ZFPM2: variants seen among roughly 807,000 people sequenced by gnomAD.
ZFPM2 encodes the protein zinc finger protein ZFPM2.
ZFPM2 carries 20 observed loss-of-function variants against 98.6 expected under a neutral mutation model. The observed-to-expected ratio is 0.20, with a 90% confidence interval of 0.14 to 0.29. The LOEUF is 0.29. ZFPM2 is among the 10% of genes least tolerant of loss of function. ZFPM2 has a pLI of 1.00. For missense variants in ZFPM2, 1,310 were observed against 1,388.6 expected (o/e 0.94, Z 0.90); for synonymous variants, 518 against 502.7 (o/e 1.03, Z -0.41).
chr8:105,758,871 A>G (rs1044743016), intron 5 of ZFPM2, among the ~76,000 whole-genome samples: 17 of 152,214 alleles, frequency 1.1e-4, no homozygotes, highest in African/African-American at 3.9e-4. Context: ...AGCAGGACCC[A>G]GAGTCATTAT....
chr8:105,793,132 T>A (rs913431564), intron 6 of ZFPM2, among the ~76,000 whole-genome samples: 1 of 152,170 alleles, frequency 6.6e-6, no homozygotes, highest in Non-Finnish European at 1.5e-5. Context: ...GTCATTATGA[T>A]GTTAGCTGGT....
Position 105,479,834 on chromosome 8 carries a change from A to AT in ZFPM2, c.301+35463dup, listed in dbSNP as rs879462134. ...AATTGTGACTTCAGGCTTGGTGAGC[A>AT]TTTTTTTTTTATAATAGCTAGTCCT... is the stretch of plus-strand genomic sequence containing the variant. On this transcript the variant is annotated intron_variant, in intron 3 of 7. Transcript: ENST00000407775. Among the ~76,000 whole-genome samples the AT allele has an allele frequency of 2.9e-3, 439 of 149,350 alleles. 1 individual carries two copies. The highest frequency in any genetic ancestry group is 8.1e-3 in the African/African-American group (332 of 40,924).
chr8:105,520,456 A>G (rs1277626983), intron 3 of ZFPM2, among the ~76,000 whole-genome samples: 1 of 152,198 alleles, frequency 6.6e-6, no homozygotes, highest in Non-Finnish European at 1.5e-5. Flanking sequence ...TTATTGCAGA[A>G]TCCAGTGATA....
At chr8:105,648,840 A>C (rs1410621689) in intron 5 of ZFPM2, among the ~76,000 whole-genome samples, 1 of 152,212 alleles carries the variant, frequency 6.6e-6, no homozygotes, top group Non-Finnish European at 1.5e-5. Context: ...CTTTTGGCTT[A>C]GGATTGACTT....
At chr8:105,407,357 T>G (rs1167564121) in intron 1 of ZFPM2, among the ~76,000 whole-genome samples, 1 of 151,910 alleles carries the variant, frequency 6.6e-6, no homozygotes, top group Non-Finnish European at 1.5e-5. Context: ...AAATCAGAAT[T>G]ACAACAAAGA....
chr8:105,711,055 G>T (rs1266733274), intron 5 of ZFPM2, among the ~76,000 whole-genome samples: 4 of 151,738 alleles, frequency 2.6e-5, no homozygotes, highest in East Asian at 1.9e-4. Flanking sequence ...GGTCATTAAG[G>T]TTTTTTAAAA....
At chr8:105,487,959 A>G (rs558737603) in intron 3 of ZFPM2, among the ~76,000 whole-genome samples, 13 of 147,778 alleles carry the variant, frequency 8.8e-5, no homozygotes, top group African/African-American at 2.5e-4. Flanking sequence ...GCTATCTGTC[A>G]TGTCTTTTTT....
chr8:105,706,286 G>A (rs975275051), intron 5 of ZFPM2, among the ~76,000 whole-genome samples: 5 of 152,116 alleles, frequency 3.3e-5, no homozygotes, highest in East Asian at 3.9e-4. Context: ...CTTTGGCAAC[G>A]TCAAGATTAT....
At chr8:105,702,627 A>G (rs527554254) in intron 5 of ZFPM2, among the ~76,000 whole-genome samples, 33 of 152,350 alleles carry the variant, frequency 2.2e-4, no homozygotes, top group African/African-American at 7.5e-4. Context: ...CAAGTGTTTC[A>G]GTGTGGTAAA....
At position 105,801,192 on chromosome 8, in the gene ZFPM2, C is replaced by A. The variant is rs755422326; in HGVS notation, c.1110C>A (p.Phe370Leu). The change falls in exon 8 of 8, where the codon TTC (phenylalanine) becomes TTA (leucine). Residue 370 changes from phenylalanine to leucine, a missense_variant. By Grantham distance (22) the Phe-to-Leu change is conservative (BLOSUM62 0). Coordinates refer to ENST00000407775, the MANE Select transcript of ZFPM2 (RefSeq NM_012082.4). Reference sequence around the variant, plus strand: ...CCTTCCGATGTAATCACTGCCATTTCGGCTTCCAGACTCAGAGGGAGTTAT... The same window carrying A: ...CCTTCCGATGTAATCACTGCCATTTAGGCTTCCAGACTCAGAGGGAGTTAT... ...QAAFRCNHCH[F>L]GFQTQRELLQ... 23 of 1,613,836 alleles carry A rather than the reference C, an allele frequency of 1.4e-5. No individual in the cohort carries two copies. Among genetic ancestry groups the A allele is most frequent in the African/African-American group, 4.0e-5 (3 of 74,916 alleles).
At chr8:105,609,915 A>G (rs1262972211) in intron 4 of ZFPM2, among the ~76,000 whole-genome samples, 2 of 152,266 alleles carry the variant, frequency 1.3e-5, no homozygotes, top group African/African-American at 4.8e-5. Flanking sequence ...GTGGGAAATC[A>G]TGTGCCCTCT....
intron 1 of ZFPM2, among the ~76,000 whole-genome samples, chr8:105,388,426 A>G (rs1008226594): frequency 6.6e-5 from 10 of 152,214 alleles, no homozygotes; most frequent in Non-Finnish European, 1.3e-4. Flanking sequence ...CTTGCAGTAT[A>G]AGTCGTGAAA....
intron 5 of ZFPM2, among the ~76,000 whole-genome samples, chr8:105,669,139 A>G (rs1038172439): frequency 2.6e-5 from 4 of 152,102 alleles, no homozygotes; most frequent in African/African-American, 7.2e-5. Context: ...TTGCAAGCAA[A>G]TGTTATAACT....
intron 4 of ZFPM2, among the ~76,000 whole-genome samples, chr8:105,580,931 G>GTGAAAATTACAA (rs1229440931): frequency 6.6e-6 from 1 of 151,210 alleles, no homozygotes; most frequent in African/African-American, 2.4e-5. Flanking sequence ...TTGTGTCATG[G>GTGAAAATTACAA]TGAAAATTAC....
chr8:105,722,847 G>T (rs771759592), intron 5 of ZFPM2, among the ~76,000 whole-genome samples: 3 of 151,790 alleles, frequency 2.0e-5, no homozygotes, highest in Non-Finnish European at 2.9e-5. Context: ...GTCTGACTCT[G>T]CTCTCTCATT....
At chr8:105,688,097 A>G in intron 5 of ZFPM2, among the ~76,000 whole-genome samples, 1 of 152,112 alleles carries the variant, frequency 6.6e-6, no homozygotes, top group East Asian at 1.9e-4. Flanking sequence ...TAAGGTTTAA[A>G]TGGTTGAACT....
intron 4 of ZFPM2, among the ~76,000 whole-genome samples, chr8:105,582,049 A>G (rs1815613619): frequency 6.6e-6 from 1 of 152,238 alleles, no homozygotes; most frequent in Non-Finnish European, 1.5e-5. Context: ...TCTGTTTAAT[A>G]GTAAAGTTAG....
chr8:105,782,568 G>T (rs1286317966), intron 5 of ZFPM2: 2 of 152,164 alleles, frequency 1.3e-5, no homozygotes, highest in East Asian at 3.9e-4. Flanking sequence ...TTGTCCCTCA[G>T]TATCCATTGT....
chr8:105,415,478 G>A (rs185974968), intron 1 of ZFPM2, among the ~76,000 whole-genome samples: 8 of 152,080 alleles, frequency 5.3e-5, no homozygotes, highest in East Asian at 3.9e-4. Context: ...CATGGAGCTC[G>A]GTCGTGAGCC....
Sources: allele counts gnomAD v4.1 joint callset (sites outside exome capture counted in the v4.1 genomes callset), GRCh38; gene constraint gnomAD v4.1.1; transcripts MANE v1.5; gene names NCBI Gene and HGNC (gene_info 2026-07-23, HGNC 2026-07-21).